Variants in MEIOSIN observed in about 807,000 individuals in gnomAD.
MEIOSIN encodes the protein meiosis initiator, also known as meiosis initiator protein.
In MEIOSIN, 18 loss-of-function variants were observed where a neutral mutation model predicts 23.4. The ratio of observed to expected loss-of-function variants is 0.77; its 90% CI spans 0.53 to 1.14. The LOEUF (loss-of-function observed/expected upper bound fraction) is 1.14. MEIOSIN is among the 50% of genes most tolerant of loss of function. The pLI is 0.00. For missense variants in MEIOSIN, 428 were observed against 242.9 expected (o/e 1.76, Z -5.07); for synonymous variants, 187 against 100.6 (o/e 1.86, Z -5.14).
Position 45,763,440 on chromosome 19 carries a change from G to A in MEIOSIN, c.1769+13G>A, listed in dbSNP as rs890096345. 6 of 398,510 alleles carry A rather than the reference G, an allele frequency of 1.5e-5. No homozygotes were observed. Among genetic ancestry groups the A allele is most frequent in the South Asian group, 2.5e-4 (2 of 7,852 alleles). 24.7% of individuals were successfully genotyped at this position (398,510 alleles called of 1,614,324 possible). A position where few individuals can be genotyped will look rare whatever the true frequency, so the allele number is the denominator to read the frequency against. On this transcript the variant is annotated intron_variant, in intron 14 of 14. Coordinates refer to ENST00000457052, the MANE Select transcript of MEIOSIN (RefSeq NM_001310124.2). ...GGAGGCCATACTGGTGAGAGGCTCC[G>A]GCCCCGAGGTGTGGGTGGGGGGTGG...
At chr19:45,753,621 T>G (rs1351582351) in intron 5 of MEIOSIN, 30 bp from the exon 6 acceptor site, 1 of 690,278 alleles carries the variant, frequency 1.4e-6, no homozygotes, top group Non-Finnish European at 2.6e-6. Context: ...GGGTGGGGGA[T>G]CTGAGCTGTT....
rs1968955339 is a variant in MEIOSIN at position 45,762,024 on chromosome 19, C to T, written c.1520C>T (p.Pro507Leu). ...TTWTPTRLAS[P>L]LLAAEKKATK... ...TGGACCCCCACCCGGCTGGCCTCACCCCTGCTGGCAGCTGAGAAAAAGGCC... is the reference window on the plus strand; with the variant it reads ...TGGACCCCCACCCGGCTGGCCTCACTCCTGCTGGCAGCTGAGAAAAAGGCC... The change falls in exon 13 of 15, where the codon CCC becomes CTC. Residue 507 changes from proline to leucine, a missense_variant. By Grantham distance (98) the Pro-to-Leu change is moderately conservative. Transcript: ENST00000457052. 6 of 491,596 alleles carry T rather than the reference C, an allele frequency of 1.2e-5. No individual in the cohort carries two copies. The East Asian group carries it at 1.9e-4, about 16-fold the overall frequency. 30.5% of individuals were successfully genotyped at this position (491,596 alleles called of 1,614,324 possible).
chr19:45,748,326 C>T (rs1435287066), intron 4 of MEIOSIN, among the ~76,000 whole-genome samples: 2 of 152,262 alleles, frequency 1.3e-5, no homozygotes, highest in African/African-American at 4.8e-5. Context: ...GTGATCCACC[C>T]GCCTCGGGCT....
At chr19:45,752,016 A>G in intron 5 of MEIOSIN, among the ~76,000 whole-genome samples, 1 of 133,932 alleles carries the variant, frequency 7.5e-6, no homozygotes, top group African/African-American at 2.8e-5. Flanking sequence ...TACAGCTGTG[A>G]GCCCCTGCTC....
rs1052489517 is a variant in MEIOSIN at position 45,754,706 on chromosome 19, A to G, written c.784A>G (p.Ile262Val). The G allele has an allele frequency of 5.7e-6, 4 of 702,942 alleles. No homozygotes were observed. Among genetic ancestry groups the G allele is most frequent in the Non-Finnish European group, 7.8e-6 (3 of 385,034 alleles). 43.5% of individuals were successfully genotyped at this position (702,942 alleles called of 1,614,324 possible). ...GCTGTTGGATCTGGCCGAGGACACC[A>G]TCCACTGTGACATCTCAAGTGGGTC... ...LTLLDLAEDT[I>V]HCDISSCWCQ... The change falls in exon 7 of 15, where the codon ATC becomes GTC. Residue 262 changes from isoleucine to valine, a missense_variant. Ile to Val is a conservative substitution (Grantham distance 29). Transcript: ENST00000457052.
intron 5 of MEIOSIN, among the ~76,000 whole-genome samples, chr19:45,752,164 T>C (rs1169059504): frequency 6.6e-6 from 1 of 151,322 alleles, no homozygotes; most frequent in Non-Finnish European, 1.5e-5. Flanking sequence ...GCAATCCTCC[T>C]GCCGCAGACT....
chr19:45,761,672 G>A lies in MEIOSIN; in HGVS notation c.1246-7G>A, dbSNP rs1462077157. 1.1e-5 allele frequency: 8 copies of A among 701,460 alleles called. No individual in the cohort carries two copies. The highest frequency in any genetic ancestry group is 7.0e-5 in the African/African-American group (4 of 57,124). 43.5% of individuals were successfully genotyped at this position (701,460 alleles called of 1,614,324 possible). ...CCCTCCCATCTTTCTCCCTCATCAT[G>A]CCCCAGGACACAGCCTCCAAGGCCC... On this transcript the variant is annotated splice_region_variant and splice_polypyrimidine_tract_variant and intron_variant, in intron 11 of 14. Transcript: ENST00000457052.
chr19:45,741,173 C>A (rs927834074), intron 3 of MEIOSIN, among the ~76,000 whole-genome samples: 1 of 152,022 alleles, frequency 6.6e-6, no homozygotes, highest in Non-Finnish European at 1.5e-5. Flanking sequence ...CATGGTGAAA[C>A]CCCGTCTCTA....
intron 9 of MEIOSIN, among the ~76,000 whole-genome samples, chr19:45,758,241 G>A (rs1457978904): frequency 5.3e-5 from 8 of 151,926 alleles, no homozygotes; most frequent in African/African-American, 1.4e-4. Context: ...TGATCCACCT[G>A]CCTCGGCCTC....
At position 45,737,942 on chromosome 19, in the gene MEIOSIN, G is replaced by A. The variant is rs534205348; in HGVS notation, c.72-1684G>A. ...TCTCAAAAAAAAAAAAAAAATTGTG[G>A]ACAGGGTCTCACCATGCTGCCTACA... On this transcript the variant is annotated intron_variant, in intron 2 of 14. Coordinates refer to ENST00000457052, the MANE Select transcript of MEIOSIN (RefSeq NM_001310124.2). Among the ~76,000 whole-genome samples the A allele has an allele frequency of 5.3e-5, 8 of 151,800 alleles. No individual in the cohort carries two copies. In the East Asian group the frequency reaches 1.6e-3, roughly 29 times the overall value.
chr19:45,750,720 A>G lies in MEIOSIN; in HGVS notation c.352A>G (p.Arg118Gly). ...HVLQYIQYLQ[R>G]NIDAAKALFK... Reference sequence around the variant, plus strand: ...CCTGCAGTACATTCAGTACCTCCAGAGAAACATCGATGCCGCCAAGGCCTT... The same window carrying G: ...CCTGCAGTACATTCAGTACCTCCAGGGAAACATCGATGCCGCCAAGGCCTT... The change falls in exon 5 of 15, where the codon AGA becomes GGA. Residue 118 changes from arginine (R) to glycine (G), a missense_variant. Physicochemically the swap from Arg to Gly is moderately radical, Grantham distance 125 (BLOSUM62 -2). Coordinates refer to ENST00000457052, the MANE Select transcript of MEIOSIN (RefSeq NM_001310124.2). 1.6e-6 allele frequency: 1 copy of G among 643,234 alleles called. No individual in the cohort carries two copies. Among genetic ancestry groups the G allele is most frequent in the Non-Finnish European group, 2.8e-6 (1 of 361,118 alleles). 39.8% of individuals were successfully genotyped at this position (643,234 alleles called of 1,614,324 possible).
chr19:45,746,683 T>C (rs561314768), intron 4 of MEIOSIN, among the ~76,000 whole-genome samples: 21 of 151,240 alleles, frequency 1.4e-4, no homozygotes, highest in Non-Finnish European at 2.7e-4. Context: ...TAGCCAGGAG[T>C]GGTGGCGCGT....
At chr19:45,741,259 A>G (rs1028350539) in intron 3 of MEIOSIN, among the ~76,000 whole-genome samples, 3 of 151,998 alleles carry the variant, frequency 2.0e-5, no homozygotes, top group African/African-American at 7.3e-5. Flanking sequence ...ATGCAGAAGA[A>G]TCGCTTGAAT....
chr19:45,757,320 C>A (rs1968850813), intron 9 of MEIOSIN, 43 bp downstream of exon 9: 1 of 691,206 alleles, frequency 1.4e-6, no homozygotes, highest in African/African-American at 1.8e-5. Context: ...CTGGTGTGGG[C>A]CTTCCCATAC....
In MEIOSIN at chr19:45,745,273, A is replaced by G. The variant is rs1024538978; in HGVS notation, c.258A>G (p.Ala86=). 1.4e-6 allele frequency: 1 copy of G among 703,044 alleles called. No individual in the cohort carries two copies. The highest frequency in any genetic ancestry group is 2.7e-5 in the East Asian group (1 of 37,288). The allele number at this position is 703,044 out of a possible 1,614,324, so 43.6% of individuals were successfully genotyped here. A position where few individuals can be genotyped will look rare whatever the true frequency, so the allele number is the denominator to read the frequency against. ...KNHTSKLQEL[A]LLLPIALKTG... ...ACACTAGCAAGCTGCAAGAGTTGGCACTGCTGCTGCCCATAGCCCTGAAGA... is the reference window on the plus strand; with the variant it reads ...ACACTAGCAAGCTGCAAGAGTTGGCGCTGCTGCTGCCCATAGCCCTGAAGA... The change falls in exon 4 of 15, where the codon GCA becomes GCG. Residue 86 remains alanine, a synonymous_variant. Transcript: ENST00000457052.
At chr19:45,740,473 G>A (rs1048720366) in intron 3 of MEIOSIN, among the ~76,000 whole-genome samples, 1 of 152,148 alleles carries the variant, frequency 6.6e-6, no homozygotes, top group South Asian at 2.1e-4. Context: ...AATGAAGGCC[G>A]GGCACGGAGG....
At chr19:45,755,819 A>G in intron 7 of MEIOSIN, 151 bp from the exon 8 acceptor site, 1 of 598,010 alleles carries the variant, frequency 1.7e-6, no homozygotes, top group South Asian at 2.0e-5. Context: ...TCAGCCTCAC[A>G]CCAACGTGAC....
At chr19:45,734,179 T>G (rs1190386417) in intron 1 of MEIOSIN, among the ~76,000 whole-genome samples, 2 of 151,978 alleles carry the variant, frequency 1.3e-5, no homozygotes, top group Non-Finnish European at 2.9e-5. Context: ...AGAAGCACGT[T>G]TTAGGGCCTG....
chr19:45,740,005 G>T (rs990474978), intron 3 of MEIOSIN, among the ~76,000 whole-genome samples: 2 of 151,914 alleles, frequency 1.3e-5, no homozygotes, highest in African/African-American at 4.8e-5. Flanking sequence ...GTGCCACCAC[G>T]GCCAGCTAAT....
Sources: allele counts gnomAD v4.1 joint callset (sites outside exome capture counted in the v4.1 genomes callset), GRCh38; gene constraint gnomAD v4.1.1; transcripts MANE v1.5; gene names NCBI Gene and HGNC (gene_info 2026-07-23, HGNC 2026-07-21).